Variants in FAM83G observed in about 807,000 individuals in gnomAD.
The protein encoded by FAM83G is scaffolding CK1 anchoring protein G.
Under a neutral mutation model 61.5 loss-of-function variants are expected in FAM83G, and 38 were observed. The ratio of observed to expected loss-of-function variants is 0.62; its 90% CI spans 0.48 to 0.81. The LOEUF (loss-of-function observed/expected upper bound fraction) is 0.81, where lower values mean the gene tolerates loss of function less well. Ranked by LOEUF, FAM83G falls within the 30% of genes least tolerant of loss-of-function variation. The probability of loss-of-function intolerance (pLI) is 0.00; values close to 1 mark genes in which losing one functional copy is unlikely to be tolerated. For synonymous variants in FAM83G, 470 were observed against 476.1 expected, an observed-to-expected ratio of 0.99 and a Z score of 0.17; for missense variants, 989 against 1,133.6, an observed-to-expected ratio of 0.87 and a Z score of 1.83.
At chr17:18,975,383 G>A (rs570820260) in intron 5 of FAM83G, among the ~76,000 whole-genome samples, 215 of 152,298 alleles carry the variant, frequency 1.4e-3, no homozygotes, top group African/African-American at 4.8e-3. Flanking sequence ...AGCAAGCTTG[G>A]AAAGTAAGTT....
At chr17:18,979,774 G>A in intron 3 of FAM83G, 101 bp from the exon 4 acceptor site, 2 of 1,350,518 alleles carry the variant, frequency 1.5e-6, no homozygotes, top group Non-Finnish European at 2.1e-6. Context: ...GGACTCTGGA[G>A]TAGTCAGGAG....
At chr17:18,976,888 T>C (rs531697809) in intron 5 of FAM83G, 1 of 1,613,646 alleles carries the variant, frequency 6.2e-7, no homozygotes, top group South Asian at 1.1e-5. Context: ...GCCCGGGACC[T>C]GAACCATGCC....
chr17:18,988,986 G>T (rs773520847), intron 2 of FAM83G, among the ~76,000 whole-genome samples: 1 of 152,222 alleles, frequency 6.6e-6, no homozygotes, highest in Admixed American at 6.5e-5. Flanking sequence ...CATGCAGAAG[G>T]ACAGGATGAG....
At chr17:18,997,012 C>T (rs928033241) in intron 2 of FAM83G, among the ~76,000 whole-genome samples, 2 of 152,232 alleles carry the variant, frequency 1.3e-5, no homozygotes, top group Non-Finnish European at 2.9e-5. Flanking sequence ...ACTGGATGAA[C>T]TCTGAGGTCC....
At chr17:18,981,701 C>A (rs1272054193) in intron 3 of FAM83G, among the ~76,000 whole-genome samples, 1 of 152,162 alleles carries the variant, frequency 6.6e-6, no homozygotes, top group Non-Finnish European at 1.5e-5. Flanking sequence ...GTGGGATAAA[C>A]CATAGCCTTT....
chr17:18,978,454 C>T lies in FAM83G; in HGVS notation c.1212G>A (p.Arg404=). 1 of 1,606,886 alleles carries T rather than the reference C, an allele frequency of 6.2e-7. No individual in the cohort carries two copies. The highest frequency in any genetic ancestry group is 1.1e-5 in the South Asian group (1 of 90,306). Residue 404 remains arginine (R), a synonymous_variant, in exon 5 of 6, where the codon AGG becomes AGA. Transcript: ENST00000388995. ...TGGGCAGGTACTCAAACATGTTGGC[C>T]CTCTCCAGGTGAAGCAGTCCTGGGT... ...PIHPGLLHLE[R]ANMFEYLPTW...
In FAM83G at chr17:18,971,127, T is replaced by C; in HGVS notation, c.*232A>G. On this transcript the variant is annotated 3_prime_UTR_variant, in exon 6 of 6. Transcript: ENST00000388995. This position sits in a 1 kb window ranked among gnomAD's most constrained non-coding sequence, Gnocchi z 5.5. ...CTGCCACGTACAGACGCCATGCACA[T>C]GTTTCGAGACCCCCACACAGGGGAC... is the stretch of plus-strand genomic sequence containing the variant. The C allele has an allele frequency of 1.2e-6, 2 of 1,612,640 alleles. No homozygotes were observed. The highest frequency in any genetic ancestry group is 1.1e-5 in the South Asian group (1 of 90,990).
rs1210677228 is a variant in FAM83G, at chr17:18,971,145, CAG to C, written c.*212_*213del. ...ATGCACATGTTTCGAGACCCCCACA[CAG>C]GGGACCTGCCGTGGACCGGGATGAC... On this transcript the variant is annotated 3_prime_UTR_variant, in exon 6 of 6. Coordinates refer to ENST00000388995, the MANE Select transcript of FAM83G (RefSeq NM_001039999.3). This position sits in a 1 kb window ranked among gnomAD's most constrained non-coding sequence, Gnocchi z 5.5. The C allele has an allele frequency of 6.2e-7, 1 of 1,613,974 alleles. No individual in the cohort carries two copies. Among genetic ancestry groups the C allele is most frequent in the African/African-American group, 1.3e-5 (1 of 74,958 alleles).
intron 2 of FAM83G, among the ~76,000 whole-genome samples, chr17:18,989,416 G>T (rs1487905417): frequency 1.3e-5 from 2 of 151,732 alleles, no homozygotes; most frequent in African/African-American, 4.9e-5. Context: ...GCTGGCCCCT[G>T]CAGGCCCATC....
chr17:19,003,728 T>C lies in FAM83G; in HGVS notation c.314A>G (p.Asp105Gly), dbSNP rs773452393. ...CGGCTCGGCCTCGATGGGGACCCCATCCGCCCCGCTGGCTTCCTCGCCGTC... is the reference window on the plus strand; with the variant it reads ...CGGCTCGGCCTCGATGGGGACCCCACCCGCCCCGCTGGCTTCCTCGCCGTC... Reference protein sequence around the residue: ...VGDGEEASGADGVPIEAEPLP... With the variant: ...VGDGEEASGAGGVPIEAEPLP... Residue 105 changes from aspartate (D) to glycine (G), a missense_variant, in exon 2 of 6, where the codon GAT becomes GGT. By Grantham distance (94) the Asp-to-Gly change is moderately conservative. Coordinates refer to ENST00000388995, the MANE Select transcript of FAM83G (RefSeq NM_001039999.3). The surrounding 1 kb of genome is among the most constrained non-coding windows in gnomAD (Gnocchi z 4.5). 1 of 1,605,018 alleles carries C rather than the reference T, an allele frequency of 6.2e-7. No homozygotes were observed. The highest frequency in any genetic ancestry group is 8.5e-7 in the Non-Finnish European group (1 of 1,175,846).
At position 19,003,802 on chromosome 17, in the gene FAM83G, G is replaced by T. The variant is rs1163880560; in HGVS notation, c.240C>A (p.Asp80Glu). 4.3e-6 allele frequency: 7 copies of T among 1,612,506 alleles called. No homozygotes were observed. In the African/African-American group the frequency reaches 9.3e-5, roughly 22 times the overall value. ...TIEVYDPGSE[D>E]PRGTGPSQGP... Reference sequence around the variant, plus strand: ...CCTGAGAGGGGCCCGTGCCCCGAGGGTCCTCAGAGCCCGGGTCGTACACCT... The same window carrying T: ...CCTGAGAGGGGCCCGTGCCCCGAGGTTCCTCAGAGCCCGGGTCGTACACCT... Residue 80 changes from aspartate (D) to glutamate (E), a missense_variant, in exon 2 of 6, where the codon GAC (aspartate) becomes GAA (glutamate). Asp to Glu is a conservative substitution (Grantham distance 45, BLOSUM62 2). Around this residue, in one of 3 missense-constraint regions of FAM83G, gnomAD observed 371 missense variants for 404.5 expected, o/e 0.92. Transcript: ENST00000388995. The surrounding 1 kb of genome is among the most constrained non-coding windows in gnomAD (Gnocchi z 4.5).
chr17:19,004,929 C>G (rs1461258945), upstream of FAM83G: 2 of 152,306 alleles, frequency 1.3e-5, no homozygotes, highest in South Asian at 2.1e-4. The surrounding 1 kb of genome is among the most constrained non-coding windows in gnomAD (Gnocchi z 5.4). Context: ...GCCCGAATTC[C>G]GAAAATATCA....
At chr17:18,997,561 G>C (rs2043598865) in intron 2 of FAM83G, among the ~76,000 whole-genome samples, 1 of 152,260 alleles carries the variant, frequency 6.6e-6, no homozygotes, top group South Asian at 2.1e-4. Flanking sequence ...CAGGGTCCAA[G>C]AGCGACAGAC....
In FAM83G at chr17:18,984,131, A is replaced by G. The variant is rs2043205453; in HGVS notation, c.690+4116T>C. Among the ~76,000 whole-genome samples the G allele has an allele frequency of 2.0e-5, 3 of 152,126 alleles. No homozygotes were observed. In the South Asian group the frequency reaches 6.2e-4, roughly 32 times the overall value. The stretch of plus-strand genomic sequence containing the variant: ...GCCGAGGCGGGCGGATCACGAGGTC[A>G]GCAGATCGAGACCATCCTGGCTAAC... On this transcript the variant is annotated intron_variant, in intron 3 of 5. Coordinates refer to ENST00000388995, the MANE Select transcript of FAM83G (RefSeq NM_001039999.3).
Position 18,969,699 on chromosome 17 carries a change from C to G in FAM83G, c.*1660G>C, listed in dbSNP as rs923138774. The G allele has an allele frequency of 7.4e-6, 3 of 403,914 alleles. No individual in the cohort carries two copies. Among genetic ancestry groups the G allele is most frequent in the Non-Finnish European group, 1.3e-5 (3 of 226,292 alleles). 25.0% of individuals were successfully genotyped at this position (403,914 alleles called of 1,614,324 possible). A position where few individuals can be genotyped will look rare whatever the true frequency, so the allele number is the denominator to read the frequency against. On this transcript the variant is annotated 3_prime_UTR_variant, in exon 6 of 6. Transcript: ENST00000388995. ...ACTCAGGAACTCAGGGCCAGCCACA[C>G]CCGCATTGGCTCAGCGCTTGATGGT...
chr17:19,006,086 C>A (rs139243673), upstream of FAM83G, among the ~76,000 whole-genome samples: 1 of 152,184 alleles, frequency 6.6e-6, no homozygotes, highest in South Asian at 2.1e-4. Context: ...TCCACCACCC[C>A]AACACTTCTG....
intron 2 of FAM83G, among the ~76,000 whole-genome samples, chr17:18,994,514 C>T (rs1475662224): frequency 6.6e-6 from 1 of 152,062 alleles, no homozygotes; most frequent in South Asian, 2.1e-4. Context: ...AGCACACGAA[C>T]GTGAGGAAAC....
At chr17:18,977,117 G>C in intron 5 of FAM83G, 1 of 1,334,406 alleles carries the variant, frequency 7.5e-7, no homozygotes, top group Non-Finnish European at 1.0e-6. Context: ...TGGGGAGTGG[G>C]GAGAGTGGTC....
rs199657397 is a variant in FAM83G at position 18,988,352 on chromosome 17, G to A, written c.585C>T (p.Ala195=). 1.8e-4 allele frequency: 285 copies of A among 1,614,212 alleles called. 1 individual carries two copies. In the East Asian group the frequency reaches 3.1e-3, roughly 17 times the overall value. ...ACACGGCCACTTTCCTCTTGAAGCC[G>A]GCGTCCAGCAGGTCCTTGAAGATGT... The part of the protein sequence containing the change: ...DVDIFKDLLD[A]GFKRKVAVYI... The change falls in exon 3 of 6, where the codon GCC becomes GCT. Residue 195 remains alanine, a synonymous_variant. Transcript: ENST00000388995.
Sources: gnomAD v4.1 joint callset for allele counts (sites outside exome capture counted in the v4.1 genomes callset) on GRCh38, gnomAD v4.1.1 for gene constraint, gnomAD v4.1.1 regional missense constraint, Gnocchi (gnomAD v3.1) non-coding constraint, MANE v1.5 for transcripts, NCBI Gene and HGNC (gene_info 2026-07-23, HGNC 2026-07-21) for gene names.